The following ATN1 variants were observed in gnomAD, a reference collection of about 807,000 sequenced individuals.
The protein encoded by ATN1 is atrophin-1.
In ATN1, 19 loss-of-function variants were observed where a neutral mutation model predicts 85.8. That is an observed-to-expected ratio of 0.22 (90% CI 0.15 to 0.32). ATN1 has a LOEUF of 0.32. Among genes scored for constraint, ATN1 ranks in the 10% least tolerant of loss-of-function variants. The probability of loss-of-function intolerance (pLI) is 1.00; values close to 1 mark genes in which losing one functional copy is unlikely to be tolerated. For missense variants in ATN1, 1,453 were observed against 1,564.5 expected, an observed-to-expected ratio of 0.93 and a Z score of 1.20; for synonymous variants, 674 against 657.0, an observed-to-expected ratio of 1.03 and a Z score of -0.39.
rs782267292 is a variant in ATN1 at position 6,935,983 on chromosome 12, G to A, written c.716G>A (p.Gly239Glu). The A allele has an allele frequency of 1.9e-5, 30 of 1,588,002 alleles. No homozygotes were observed. The East Asian group carries it at 6.3e-4, about 33-fold the overall frequency. The stretch of plus-strand genomic sequence containing the variant: ...CCCCCAATGGGTCCCAAGGGGGGAG[G>A]GGCTGCCTCATCAGTGGGGGGCCCT... ...SGPPMGPKGG[G>E]AASSVGGPNG... Residue 239 changes from glycine (G) to glutamate (E), a missense_variant, in exon 5 of 10, where the codon GGG becomes GAG. Transcript: ENST00000396684. This position sits in a 1 kb window ranked among gnomAD's most constrained non-coding sequence, Gnocchi z 5.3.
chr12:6,928,454 C>T (rs1756982149), intron 1 of ATN1, 70 bp downstream of exon 1: 1 of 151,126 alleles, frequency 6.6e-6, no homozygotes, highest in Non-Finnish European at 1.5e-5. Context: ...GCCTGCGGCT[C>T]CCCACCCCCA....
At position 6,935,737 on chromosome 12, in the gene ATN1, G is replaced by T; in HGVS notation, c.470G>T (p.Arg157Leu). ...SSSGLSQGPA[R>L]PYHPPPLFPP... ...TCTGGCCTGTCCCAGGGCCCAGCCCGCCCCTACCACCCACCTCCACTCTTT... is the reference window on the plus strand; with the variant it reads ...TCTGGCCTGTCCCAGGGCCCAGCCCTCCCCTACCACCCACCTCCACTCTTT... The change falls in exon 5 of 10, where the codon CGC becomes CTC. Residue 157 changes from arginine to leucine, a missense_variant. Transcript: ENST00000396684. The surrounding 1 kb of genome is among the most constrained non-coding windows in gnomAD (Gnocchi z 5.3). 1.2e-6 allele frequency: 2 copies of T among 1,613,360 alleles called. No homozygotes were observed. Among genetic ancestry groups the T allele is most frequent in the Middle Eastern group, 1.7e-4 (1 of 6,054 alleles).
At chr12:6,930,361 C>T (rs1467830243) in intron 1 of ATN1, among the ~76,000 whole-genome samples, 1 of 152,200 alleles carries the variant, frequency 6.6e-6, no homozygotes, top group Non-Finnish European at 1.5e-5. Context: ...GAGCCCCTCC[C>T]AGAGAGCTTG....
At chr12:6,925,864 C>G (rs1197617299), upstream of ATN1, among the ~76,000 whole-genome samples, 1 of 152,234 alleles carries the variant, frequency 6.6e-6, no homozygotes, top group Non-Finnish European at 1.5e-5. Context: ...CCACAAGTAC[C>G]CGACCCCCAC....
At chr12:6,939,318 C>A in intron 7 of ATN1, 141 bp downstream of exon 7, 1 of 1,255,796 alleles carries the variant, frequency 8.0e-7, no homozygotes, top group Non-Finnish European at 1.1e-6. Flanking sequence ...TGAACTTTGC[C>A]TCCCTGACGT....
chr12:6,937,120 T>C lies in ATN1; in HGVS notation c.1853T>C (p.Ile618Thr), dbSNP rs782123218. ...TTSSATLSTVIATVASSPAGY... is the reference protein window; with the variant it reads ...TTSSATLSTVTATVASSPAGY... ...TCTTCGGCTACCCTTTCCACGGTCA[T>C]TGCCACCGTGGCTTCCTCGCCAGCA... is the stretch of plus-strand genomic sequence containing the variant. The change falls in exon 5 of 10, where the codon ATT becomes ACT. Residue 618 changes from isoleucine to threonine, a missense_variant. By Grantham distance (89) the Ile-to-Thr change is moderately conservative. Coordinates refer to ENST00000396684, the MANE Select transcript of ATN1 (RefSeq NM_001940.4). The surrounding 1 kb of genome is among the most constrained non-coding windows in gnomAD (Gnocchi z 6.0). The C allele has an allele frequency of 1.2e-6, 2 of 1,611,690 alleles. No individual in the cohort carries two copies. The highest frequency in any genetic ancestry group is 1.7e-6 in the Non-Finnish European group (2 of 1,180,008).
chr12:6,935,865 C>A lies in ATN1; in HGVS notation c.598C>A (p.Pro200Thr), dbSNP rs1317574225. 1 of 1,613,826 alleles carries A rather than the reference C, an allele frequency of 6.2e-7. No individual in the cohort carries two copies. The highest frequency in any genetic ancestry group is 8.5e-7 in the Non-Finnish European group (1 of 1,179,794). Residue 200 changes from proline to threonine, a missense_variant, in exon 5 of 10, where the codon CCC becomes ACC. Physicochemically the swap from Pro to Thr is conservative, Grantham distance 38. Coordinates refer to ENST00000396684, the MANE Select transcript of ATN1 (RefSeq NM_001940.4). The surrounding 1 kb of genome is among the most constrained non-coding windows in gnomAD (Gnocchi z 5.3). ...TPTGYHAPME[P>T]PTSRMFQAPP... The stretch of plus-strand genomic sequence containing the variant: ...CACTGGATATCATGCTCCCATGGAG[C>A]CCCCCACATCTCGAATGTTCCAGGC...
At chr12:6,933,063 TCA>T (rs1334660467) in intron 1 of ATN1, among the ~76,000 whole-genome samples, 46 of 152,200 alleles carry the variant, frequency 3.0e-4, no homozygotes, top group African/African-American at 1.1e-3. Flanking sequence ...CTAGTCACAA[TCA>T]CAATCTTTGA....
Position 6,934,647 on chromosome 12 carries a change from C to A in ATN1, c.279+69C>A. 8.8e-7 allele frequency: 1 copy of A among 1,134,406 alleles called. No individual in the cohort carries two copies. Among genetic ancestry groups the A allele is most frequent in the Non-Finnish European group, 1.3e-6 (1 of 769,366 alleles). 70.3% of individuals were successfully genotyped at this position (1,134,406 alleles called of 1,614,324 possible). ...CTTTTCTCAGACTTGCTTATGCTCA[C>A]TATTCTTAGCTGGATCTCTCCTGGG... On this transcript the variant is annotated intron_variant, in intron 4 of 9. Coordinates refer to ENST00000396684, the MANE Select transcript of ATN1 (RefSeq NM_001940.4). This position sits in a 1 kb window ranked among gnomAD's most constrained non-coding sequence, Gnocchi z 4.5.
chr12:6,934,174 A>G lies in ATN1; in HGVS notation c.28-2A>G. ...TTACCTACCTCCTTCCTCCTCCTGTAGATGTCAATGAGGAGTGGACGGAAG... is the reference window on the plus strand; with the variant it reads ...TTACCTACCTCCTTCCTCCTCCTGTGGATGTCAATGAGGAGTGGACGGAAG... On this transcript the variant is annotated splice_acceptor_variant, in intron 2 of 9. Transcript: ENST00000396684. LOFTEE classifies it high-confidence loss of function. The surrounding 1 kb of genome is among the most constrained non-coding windows in gnomAD (Gnocchi z 4.5). 6.2e-7 allele frequency: 1 copy of G among 1,613,198 alleles called. No individual in the cohort carries two copies. Among genetic ancestry groups the G allele is most frequent in the Non-Finnish European group, 8.5e-7 (1 of 1,179,722 alleles).
rs1555143563 is a variant in ATN1, at chr12:6,936,055, C to T, written c.788C>T (p.Ser263Leu). ...CCACCCACTACTCCCATTTCAGTATCAAGCTCTGGGGCTAGTGGTGCTCCC... is the reference window on the plus strand; with the variant it reads ...CCACCCACTACTCCCATTTCAGTATTAAGCTCTGGGGCTAGTGGTGCTCCC... ...HPPPTTPISV[S>L]SSGASGAPPT... Residue 263 changes from serine to leucine, a missense_variant, in exon 5 of 10, where the codon TCA (serine) becomes TTA (leucine). By Grantham distance (145) the Ser-to-Leu change is moderately radical. Around this residue, in one of 6 missense-constraint regions of ATN1, gnomAD observed 990 missense variants for 914.8 expected, o/e 1.08. Coordinates refer to ENST00000396684, the MANE Select transcript of ATN1 (RefSeq NM_001940.4). 2 of 1,569,610 alleles carry T rather than the reference C, an allele frequency of 1.3e-6. No homozygotes were observed. Among genetic ancestry groups the T allele is most frequent in the Admixed American group, 3.7e-5 (2 of 53,866 alleles).
chr12:6,936,995 T>A lies in ATN1; in HGVS notation c.1728T>A (p.Ser576=). 6.2e-7 allele frequency: 1 copy of A among 1,613,548 alleles called. No homozygotes were observed. Among genetic ancestry groups the A allele is most frequent in the Non-Finnish European group, 8.5e-7 (1 of 1,179,696 alleles). The change falls in exon 5 of 10, where the codon TCT becomes TCA. Residue 576 remains serine, a synonymous_variant. Transcript: ENST00000396684. ...TCTCTTCCTCTTCCAACTCTTCCTC[T>A]TCCACTTCTCAAGGGTCCTACCCAT... ...PPVSSSSNSS[S]STSQGSYPCS... is the part of the protein sequence containing the mutation.
chr12:6,925,579 G>T (rs1309657236), upstream of ATN1, among the ~76,000 whole-genome samples: 1 of 152,158 alleles, frequency 6.6e-6, no homozygotes, highest in Non-Finnish European at 1.5e-5. Flanking sequence ...GGTGTGCTTG[G>T]AGTGGTAAAG....
In ATN1 at chr12:6,928,964, A is replaced by G. The variant is rs782034590; in HGVS notation, c.-163+580A>G. 1.1e-4 allele frequency among the ~76,000 whole-genome samples: 17 copies of G among 152,254 alleles called. No homozygotes were observed. In the South Asian group the frequency reaches 3.5e-3, roughly 32 times the overall value. ...CTGGGGGAGACGGAGGCTTGGGCAAAGAGAGGTCCATTTTTGAGAAGAGCC... is the reference window on the plus strand; with the variant it reads ...CTGGGGGAGACGGAGGCTTGGGCAAGGAGAGGTCCATTTTTGAGAAGAGCC... On this transcript the variant is annotated intron_variant, in intron 1 of 9. Transcript: ENST00000396684.
At chr12:6,939,563 G>A (rs1373981171) in intron 7 of ATN1, among the ~76,000 whole-genome samples, 2 of 152,216 alleles carry the variant, frequency 1.3e-5, no homozygotes, top group Admixed American at 6.5e-5. Context: ...GTGTAGTGGC[G>A]CAATCACAGC....
Position 6,934,323 on chromosome 12 carries a change from C to T in ATN1, c.165+10C>T, listed in dbSNP as rs2071075. 0.076 allele frequency: 119,947 copies of T among 1,570,018 alleles called. 7,856 individuals carry two copies. The highest frequency in any genetic ancestry group is 0.43 in the East Asian group (18,977 of 44,596). On this transcript the variant is annotated intron_variant, in intron 3 of 9. Transcript: ENST00000396684. The surrounding 1 kb of genome is among the most constrained non-coding windows in gnomAD (Gnocchi z 4.5). Reference sequence around the variant, plus strand: ...CAGGCAGACAGCCAAGGTATTCTGTCCTCAGGTCCTCCCACAGGATGCCCA... The same window carrying T: ...CAGGCAGACAGCCAAGGTATTCTGTTCTCAGGTCCTCCCACAGGATGCCCA...
Position 6,936,695 on chromosome 12 carries a change from C to G in ATN1, c.1428C>G (p.Val476=). ...TGAQSTAHPP[V]STHHHHHQQQ... ...CCCAGTCCACCGCCCACCCACCAGT[C>G]TCAACACATCACCATCACCACCAGC... The change falls in exon 5 of 10, where the codon GTC becomes GTG. Residue 476 remains valine, a synonymous_variant. Coordinates refer to ENST00000396684, the MANE Select transcript of ATN1 (RefSeq NM_001940.4). 1 of 1,612,636 alleles carries G rather than the reference C, an allele frequency of 6.2e-7. No individual in the cohort carries two copies. Among genetic ancestry groups the G allele is most frequent in the Non-Finnish European group, 8.5e-7 (1 of 1,179,560 alleles).
upstream of ATN1, among the ~76,000 whole-genome samples, chr12:6,927,211 TC>T (rs1222766834): frequency 4.2e-5 from 6 of 144,176 alleles, no homozygotes; most frequent in African/African-American, 1.5e-4. Context: ...AGAAGCCCCA[TC>T]TTTCTATATA....
At position 6,933,744 on chromosome 12, in the gene ATN1, G is replaced by A. The variant is rs782251004; in HGVS notation, c.-162-96G>A. ...TGTACCTCTTGGCCCAAAGGCTTAG[G>A]GTTGGGCCGCTTGCTCAGTTCTCTG... On this transcript the variant is annotated intron_variant, in intron 1 of 9. Transcript: ENST00000396684. 14 of 579,270 alleles carry A rather than the reference G, an allele frequency of 2.4e-5. No homozygotes were observed. In the South Asian group the frequency reaches 2.9e-4, roughly 12 times the overall value. The allele number at this position is 579,270 out of a possible 1,614,324, so 35.9% of individuals were successfully genotyped here.
Sources: allele counts gnomAD v4.1 joint callset (sites outside exome capture counted in the v4.1 genomes callset), GRCh38; gene constraint gnomAD v4.1.1; regional missense constraint gnomAD v4.1.1; non-coding constraint Gnocchi (gnomAD v3.1); transcripts MANE v1.5; gene names NCBI Gene and HGNC (gene_info 2026-07-23, HGNC 2026-07-21).